The following ZIC2 variants were observed in gnomAD, a reference collection of about 807,000 sequenced individuals.
The protein encoded by ZIC2 is zinc finger protein ZIC 2.
A neutral mutation model predicts 29.5 loss-of-function variants in ZIC2; 7 were observed. The observed-to-expected ratio is 0.24, with a 90% CI of 0.14 to 0.45. The LOEUF is 0.45. Among genes scored for constraint, ZIC2 ranks in the 20% least tolerant of loss-of-function variants. The probability of loss-of-function intolerance (pLI) is 1.00; values close to 1 mark genes in which losing one functional copy is unlikely to be tolerated. For synonymous variants in ZIC2, 408 were observed against 354.2 expected, an observed-to-expected ratio of 1.15 and a Z score of -1.70; for missense variants, 589 against 781.2, an observed-to-expected ratio of 0.75 and a Z score of 2.93.
intron 1 of ZIC2, 200 bp from the exon 2 acceptor site, chr13:99,984,746 C>G (rs1017807916): frequency 1.6e-6 from 1 of 612,192 alleles, no homozygotes; most frequent in Non-Finnish European, 2.9e-6. Flanking sequence ...AAGTAAAATA[C>G]GAAATAAATG....
chr13:99,984,363 T>A (rs1197885434), intron 1 of ZIC2: 1 of 169,436 alleles, frequency 5.9e-6, no homozygotes, highest in Non-Finnish European at 1.3e-5. Flanking sequence ...TGCTGCCTTA[T>A]CTCTAATATT....
rs916124766 is a variant in ZIC2 at position 99,983,566 on chromosome 13, T to C, written c.1075+427T>C. On this transcript the variant is annotated intron_variant, in intron 1 of 2. Coordinates refer to ENST00000376335, the MANE Select transcript of ZIC2 (RefSeq NM_007129.5). This position sits in a 1 kb window ranked among gnomAD's most constrained non-coding sequence, Gnocchi z 4.7. ...GTCTGTCTGAGTGGTTTGTGTGTTT[T>C]CCCACTTCTTTTACTCGGGGTCCAA... Among the ~76,000 whole-genome samples the C allele has an allele frequency of 2.0e-5, 3 of 152,196 alleles. No individual in the cohort carries two copies. Among genetic ancestry groups the C allele is most frequent in the African/African-American group, 7.2e-5 (3 of 41,456 alleles).
rs1229008948 is a variant in ZIC2 at position 99,981,929 on chromosome 13, C to T, written c.-136C>T. ...GCGGCGGGCGCAGGAGAGCGGCTCCCAGGGCTGAAGTGGCCGCCACCACCG... is the reference window on the plus strand; with the variant it reads ...GCGGCGGGCGCAGGAGAGCGGCTCCTAGGGCTGAAGTGGCCGCCACCACCG... On this transcript the variant is annotated 5_prime_UTR_variant, in exon 1 of 3. Transcript: ENST00000376335. The T allele has an allele frequency of 1.5e-5, 18 of 1,215,552 alleles. No individual in the cohort carries two copies. Among genetic ancestry groups the T allele is most frequent in the South Asian group, 2.5e-5 (1 of 39,986 alleles). 75.3% of individuals were successfully genotyped at this position (1,215,552 alleles called of 1,614,324 possible). A position where few individuals can be genotyped will look rare whatever the true frequency, so the allele number is the denominator to read the frequency against.
Position 99,985,577 on chromosome 13 carries a change from CGGCGGCGGGGCG to C in ZIC2, c.1505_1516del (p.Ala502_Gly505del), listed in dbSNP as rs777893609. ...GCGGCGGCAGCGGCAGTGGCGGGGG[CGGCGGCGGGGCG>C]GGCGGCGGGGGCGGCGGCAGCTCTG... On this transcript the variant is annotated inframe_deletion, in exon 3 of 3. Transcript: ENST00000376335. This position sits in a 1 kb window ranked among gnomAD's most constrained non-coding sequence, Gnocchi z 6.3. 78 of 579,034 alleles carry C rather than the reference CGGCGGCGGGGCG, an allele frequency of 1.3e-4. No individual in the cohort carries two copies. Among genetic ancestry groups the C allele is most frequent in the African/African-American group, 9.5e-4 (46 of 48,186 alleles). 35.9% of individuals were successfully genotyped at this position (579,034 alleles called of 1,614,324 possible). A position where few individuals can be genotyped will look rare whatever the true frequency, so the allele number is the denominator to read the frequency against.
chr13:99,985,764 G>A lies in ZIC2; in HGVS notation c.*82G>A. 1 of 760,380 alleles carries A rather than the reference G, an allele frequency of 1.3e-6. No individual in the cohort carries two copies. Among genetic ancestry groups the A allele is most frequent in the Non-Finnish European group, 1.8e-6 (1 of 556,304 alleles). The allele number at this position is 760,380 out of a possible 1,614,324, so 47.1% of individuals were successfully genotyped here. A position where few individuals can be genotyped will look rare whatever the true frequency, so the allele number is the denominator to read the frequency against. On this transcript the variant is annotated 3_prime_UTR_variant, in exon 3 of 3. Coordinates refer to ENST00000376335, the MANE Select transcript of ZIC2 (RefSeq NM_007129.5). This position sits in a 1 kb window ranked among gnomAD's most constrained non-coding sequence, Gnocchi z 6.3. ...GCAGCTAGCAGCGAGGGCACCTTGT[G>A]ATCATGTTGTTAAAATTATGAATCT...
intron 1 of ZIC2, 198 bp from the exon 2 acceptor site, chr13:99,984,748 A>G (rs2053254517): frequency 1.6e-6 from 1 of 619,292 alleles, no homozygotes; most frequent in Non-Finnish European, 2.8e-6. Context: ...GTAAAATACG[A>G]AATAAATGAG....
In ZIC2 at chr13:99,985,489, C is replaced by CGG. The variant is rs2053261785; in HGVS notation, c.1406_1407insGG (p.Val471ArgfsTer85). 1 of 1,215,804 alleles carries CGG rather than the reference C, an allele frequency of 8.2e-7. No individual in the cohort carries two copies. Among genetic ancestry groups the CGG allele is most frequent in the African/African-American group, 1.6e-5 (1 of 61,552 alleles). 75.3% of individuals were successfully genotyped at this position (1,215,804 alleles called of 1,614,324 possible). On this transcript the variant is annotated frameshift_variant, in exon 3 of 3. Coordinates refer to ENST00000376335, the MANE Select transcript of ZIC2 (RefSeq NM_007129.5). LOFTEE classifies it high-confidence loss of function. The surrounding 1 kb of genome is among the most constrained non-coding windows in gnomAD (Gnocchi z 6.3). ...GCGGCGGCGGCTGCGGCGGCGGCGG[C>CGG]CGCGGTGTCCGCGGTGCACCGGGGC...
Position 99,983,290 on chromosome 13 carries a change from T to TG in ZIC2, c.1075+151_1075+152insG. ...CGTGTACGAAAGAGCCAGCAGCTTG[T>TG]TTCTGTTGGACGATGACAATATTAT... On this transcript the variant is annotated intron_variant, in intron 1 of 2. Coordinates refer to ENST00000376335, the MANE Select transcript of ZIC2 (RefSeq NM_007129.5). This position sits in a 1 kb window ranked among gnomAD's most constrained non-coding sequence, Gnocchi z 4.7. 9.2e-7 allele frequency: 1 copy of TG among 1,088,374 alleles called. No homozygotes were observed. Among genetic ancestry groups the TG allele is most frequent in the South Asian group, 1.6e-5 (1 of 61,722 alleles). 67.4% of individuals were successfully genotyped at this position (1,088,374 alleles called of 1,614,324 possible).
rs752980660 is a variant in ZIC2 at position 99,985,620 on chromosome 13, G to A, written c.1537G>A (p.Gly513Ser). ...GGGGGGSSGG[G>S]SGTAGGHSGL... ...CGGGGGCGGCGGCAGCTCTGGCGGGGGCAGCGGGACAGCCGGGGGTCACAG... is the reference window on the plus strand; with the variant it reads ...CGGGGGCGGCGGCAGCTCTGGCGGGAGCAGCGGGACAGCCGGGGGTCACAG... Residue 513 changes from glycine to serine, a missense_variant, in exon 3 of 3, where the codon GGC (glycine) becomes AGC (serine). Coordinates refer to ENST00000376335, the MANE Select transcript of ZIC2 (RefSeq NM_007129.5). This position sits in a 1 kb window ranked among gnomAD's most constrained non-coding sequence, Gnocchi z 6.3. 2.5e-6 allele frequency: 3 copies of A among 1,193,444 alleles called. No homozygotes were observed. The highest frequency in any genetic ancestry group is 5.5e-5 in the South Asian group (2 of 36,508). 73.9% of individuals were successfully genotyped at this position (1,193,444 alleles called of 1,614,324 possible).
chr13:99,985,599 G>A lies in ZIC2; in HGVS notation c.1516G>A (p.Gly506Ser), dbSNP rs1210305311. 3 of 1,052,248 alleles carry A rather than the reference G, an allele frequency of 2.9e-6. No individual in the cohort carries two copies. In the East Asian group the frequency reaches 2.2e-4, roughly 78 times the overall value. The allele number at this position is 1,052,248 out of a possible 1,614,324, so 65.2% of individuals were successfully genotyped here. A position where few individuals can be genotyped will look rare whatever the true frequency, so the allele number is the denominator to read the frequency against. The change falls in exon 3 of 3, where the codon GGC becomes AGC. Residue 506 changes from glycine (G) to serine (S), a missense_variant. Gly to Ser is a moderately conservative substitution (Grantham distance 56). Transcript: ENST00000376335. The surrounding 1 kb of genome is among the most constrained non-coding windows in gnomAD (Gnocchi z 6.3). ...GGGGGGAGGG[G>S]GGSSGGGSGT... is the part of the protein sequence containing the mutation. Reference sequence around the variant, plus strand: ...GGGCGGCGGCGGGGCGGGCGGCGGGGGCGGCGGCAGCTCTGGCGGGGGCAG... The same window carrying A: ...GGGCGGCGGCGGGGCGGGCGGCGGGAGCGGCGGCAGCTCTGGCGGGGGCAG...
intron 1 of ZIC2, 24 bp from the exon 2 acceptor site, chr13:99,984,922 A>G: frequency 1.2e-6 from 2 of 1,613,818 alleles, no homozygotes; most frequent in South Asian, 1.1e-5. Context: ...GTCTGCAGCC[A>G]GCGCCGATGT....
In ZIC2 at chr13:99,983,203, C is replaced by G; in HGVS notation, c.1075+64C>G. 6.4e-7 allele frequency: 1 copy of G among 1,567,482 alleles called. No individual in the cohort carries two copies. Reference sequence around the variant, plus strand: ...AGACACGCACAGGCTGAGACTCAGGCTGTGGGTGCCGACGCTGGGCGCAGA... The same window carrying G: ...AGACACGCACAGGCTGAGACTCAGGGTGTGGGTGCCGACGCTGGGCGCAGA... On this transcript the variant is annotated intron_variant, in intron 1 of 2. Transcript: ENST00000376335. This position sits in a 1 kb window ranked among gnomAD's most constrained non-coding sequence, Gnocchi z 4.7.
At position 99,982,609 on chromosome 13, in the gene ZIC2, G is replaced by A; in HGVS notation, c.545G>A (p.Gly182Glu). Residue 182 changes from glycine to glutamate, a missense_variant, in exon 1 of 3, where the codon GGG becomes GAG. Coordinates refer to ENST00000376335, the MANE Select transcript of ZIC2 (RefSeq NM_007129.5). ...GTGCTCAACGGGCAGATGCGCCTCGGGCTGCCCGGCGAGGTGTTCGGGCGC... is the reference window on the plus strand; with the variant it reads ...GTGCTCAACGGGCAGATGCGCCTCGAGCTGCCCGGCGAGGTGTTCGGGCGC... ...QNVLNGQMRL[G>E]LPGEVFGRSE... 2 of 1,586,550 alleles carry A rather than the reference G, an allele frequency of 1.3e-6. No individual in the cohort carries two copies. Among genetic ancestry groups the A allele is most frequent in the Non-Finnish European group, 1.7e-6 (2 of 1,173,164 alleles).
chr13:99,984,311 C>T (rs1170463271), intron 1 of ZIC2: 1 of 157,644 alleles, frequency 6.3e-6, no homozygotes, highest in East Asian at 1.9e-4. Flanking sequence ...CTGACTCCCC[C>T]AACCCTCGCC....
chr13:99,981,874 C>A lies in ZIC2; in HGVS notation c.-191C>A. ...TCCGCGCCTTCGCTACGCGCCCGGC[C>A]GCCCGAGGCAGATCCAGGCGGCGGC... On this transcript the variant is annotated 5_prime_UTR_variant, in exon 1 of 3. Coordinates refer to ENST00000376335, the MANE Select transcript of ZIC2 (RefSeq NM_007129.5). 8.4e-7 allele frequency: 1 copy of A among 1,192,286 alleles called. No individual in the cohort carries two copies. The allele number at this position is 1,192,286 out of a possible 1,614,324, so 73.9% of individuals were successfully genotyped here.
At position 99,982,753 on chromosome 13, in the gene ZIC2, CCCACCACCACCA is replaced by C. The variant is rs398124241; in HGVS notation, c.707_718del (p.His236_His239del). On this transcript the variant is annotated inframe_deletion, in exon 1 of 3. Coordinates refer to ENST00000376335, the MANE Select transcript of ZIC2 (RefSeq NM_007129.5). ...GGTATGAACATGGCAGCAGCCGCGG[CCCACCACCACCA>C]CCACCACCACCACCACCCCGGTGCC... 5.5e-5 allele frequency: 88 copies of C among 1,596,522 alleles called. No homozygotes were observed. The highest frequency in any genetic ancestry group is 6.8e-5 in the Non-Finnish European group (80 of 1,176,116).
Position 99,983,279 on chromosome 13 carries a change from C to A in ZIC2, c.1075+140C>A. The A allele has an allele frequency of 1.7e-6, 2 of 1,146,524 alleles. No homozygotes were observed. The highest frequency in any genetic ancestry group is 2.4e-6 in the Non-Finnish European group (2 of 825,424). 71.0% of individuals were successfully genotyped at this position (1,146,524 alleles called of 1,614,324 possible). On this transcript the variant is annotated intron_variant, in intron 1 of 2. Coordinates refer to ENST00000376335, the MANE Select transcript of ZIC2 (RefSeq NM_007129.5). The surrounding 1 kb of genome is among the most constrained non-coding windows in gnomAD (Gnocchi z 4.7). ...AGGTGTTTTTGCGTGTACGAAAGAG[C>A]CAGCAGCTTGTTTCTGTTGGACGAT...
In ZIC2 at chr13:99,985,400, G is replaced by C. The variant is rs2053259627; in HGVS notation, c.1317G>C (p.Gly439=). ...SSGYESSTPP[G]LVSPSAEPQS... ...GCTATGAGTCGTCCACGCCCCCGGG[G>C]CTGGTGTCCCCCAGCGCCGAGCCCC... The change falls in exon 3 of 3, where the codon GGG becomes GGC. Residue 439 remains glycine (G), a synonymous_variant. Transcript: ENST00000376335. This position sits in a 1 kb window ranked among gnomAD's most constrained non-coding sequence, Gnocchi z 6.3. The C allele has an allele frequency of 1.9e-6, 3 of 1,596,738 alleles. No individual in the cohort carries two copies. The East Asian group carries it at 6.7e-5, about 36-fold the overall frequency.
At position 99,981,803 on chromosome 13, in the gene ZIC2, C is replaced by A. The variant is rs1217351595; in HGVS notation, c.-262C>A. ...GGCTTTGGACTCTTCTCCTCCTCCACCTCCTCCTCCTCCTCCCGCGCCGCC... is the reference window on the plus strand; with the variant it reads ...GGCTTTGGACTCTTCTCCTCCTCCAACTCCTCCTCCTCCTCCCGCGCCGCC... On this transcript the variant is annotated 5_prime_UTR_variant, in exon 1 of 3. Transcript: ENST00000376335. 3.6e-6 allele frequency: 2 copies of A among 550,924 alleles called. No homozygotes were observed. The highest frequency in any genetic ancestry group is 5.9e-6 in the Non-Finnish European group (2 of 339,902). The allele number at this position is 550,924 out of a possible 1,614,324, so 34.1% of individuals were successfully genotyped here.
Sources: gnomAD v4.1 joint callset for allele counts (sites outside exome capture counted in the v4.1 genomes callset) on GRCh38, gnomAD v4.1.1 for gene constraint, Gnocchi (gnomAD v3.1) non-coding constraint, MANE v1.5 for transcripts, NCBI Gene and HGNC (gene_info 2026-07-23, HGNC 2026-07-21) for gene names.